The following RGPD2 variants were observed in gnomAD, a reference collection of about 807,000 sequenced individuals.
RGPD2 encodes the protein RANBP2-like and GRIP domain-containing protein 2.
In RGPD2, 2 loss-of-function variants were observed where a neutral mutation model predicts 36.0. The observed-to-expected ratio is 0.06, with a 90% CI of 0.02 to 0.17. The LOEUF is 0.17. RGPD2 is among the 10% of genes least tolerant of loss of function. The pLI is 1.00. For synonymous variants in RGPD2, 19 were observed against 163.8 expected (o/e 0.12, Z 6.75); for missense variants, 40 against 464.3 (o/e 0.09, Z 8.40).
At chr2:87,887,160 G>C in the RGPD2 span, among the ~76,000 whole-genome samples, 2 of 151,926 alleles carry the variant, frequency 1.3e-5, no homozygotes, top group East Asian at 3.9e-4. Context: ...GGCCAAGACT[G>C]TGTGCTTTGC....
chr2:87,986,878 C>A, the RGPD2 span, among the ~76,000 whole-genome samples: 26 of 143,030 alleles, frequency 1.8e-4, no homozygotes, highest in South Asian at 2.3e-4. Context: ...GAAACTGTCT[C>A]AAAAAAAAAA....
chr2:87,984,378 A>C, the RGPD2 span, among the ~76,000 whole-genome samples: 935 of 151,368 alleles, frequency 6.2e-3, 10 homozygotes, highest in East Asian at 0.043. Context: ...TTTATAAATT[A>C]CAATAACGAA....
At chr2:87,824,154 G>C in intron 1 of RGPD2, among the ~76,000 whole-genome samples, 1 of 147,834 alleles carries the variant, frequency 6.8e-6, no homozygotes, top group African/African-American at 2.5e-5. Flanking sequence ...TACCGAGTAG[G>C]TGGGACTACA....
the RGPD2 span, among the ~76,000 whole-genome samples, chr2:87,930,739 A>G: frequency 6.6e-6 from 1 of 150,610 alleles, no homozygotes; most frequent in Non-Finnish European, 1.5e-5. Context: ...TCTCAATTTC[A>G]GAACTTGTTA....
At chr2:87,983,772 G>T in the RGPD2 span, among the ~76,000 whole-genome samples, 1 of 148,896 alleles carries the variant, frequency 6.7e-6, no homozygotes, top group South Asian at 2.2e-4. Flanking sequence ...TTGTCGGAGG[G>T]AAAGCATTCT....
At chr2:87,825,481 G>A (rs1156866566) in intron 1 of RGPD2, among the ~76,000 whole-genome samples, 177 bp downstream of exon 1, 2 of 87,174 alleles carry the variant, frequency 2.3e-5, no homozygotes, top group Non-Finnish European at 4.7e-5. Context: ...CGCCGTCGCC[G>A]CCGCCGCCGC....
At chr2:87,915,238 T>A in the RGPD2 span, among the ~76,000 whole-genome samples, 1 of 149,202 alleles carries the variant, frequency 6.7e-6, no homozygotes, top group Admixed American at 6.7e-5. Context: ...ATATTTTACT[T>A]AAAGGAACTT....
chr2:87,919,541 G>A, the RGPD2 span, among the ~76,000 whole-genome samples: 4 of 151,564 alleles, frequency 2.6e-5, no homozygotes, highest in Non-Finnish European at 5.9e-5. Context: ...AATACTTTAC[G>A]TGTTGTATAT....
At chr2:87,978,155 G>T in the RGPD2 span, among the ~76,000 whole-genome samples, 2 of 150,638 alleles carry the variant, frequency 1.3e-5, no homozygotes, top group East Asian at 3.9e-4. Flanking sequence ...TGATACATTG[G>T]ATAACTAAAA....
intron 7 of RGPD2, among the ~76,000 whole-genome samples, chr2:87,805,997 A>G (rs1358805325): frequency 6.6e-6 from 1 of 150,728 alleles, no homozygotes. Context: ...CCCCATCTCT[A>G]TTAAAAATAC....
the RGPD2 span, among the ~76,000 whole-genome samples, chr2:87,836,884 A>T: frequency 6.6e-6 from 1 of 152,250 alleles, no homozygotes; most frequent in East Asian, 1.9e-4. Context: ...AAAGAGGTAG[A>T]TAATAACTTA....
At chr2:87,979,033 AG>A in the RGPD2 span, among the ~76,000 whole-genome samples, 2 of 149,284 alleles carry the variant, frequency 1.3e-5, no homozygotes, top group Non-Finnish European at 3.0e-5. Context: ...CAGGAGTTTG[AG>A]ACCAGGCTGG....
At chr2:87,911,706 C>A in the RGPD2 span, among the ~76,000 whole-genome samples, 1 of 152,134 alleles carries the variant, frequency 6.6e-6, no homozygotes, top group Non-Finnish European at 1.5e-5. Context: ...TATACTGCTA[C>A]AGCTATGTGA....
the RGPD2 span, among the ~76,000 whole-genome samples, chr2:87,984,978 T>C: frequency 2.2e-5 from 3 of 134,174 alleles, no homozygotes; most frequent in Admixed American, 7.5e-5. Context: ...CTAAAACATA[T>C]AGAATGGTAC....
the RGPD2 span, among the ~76,000 whole-genome samples, chr2:87,871,827 TGCACTCCA>T: frequency 2.7e-5 from 4 of 147,848 alleles, no homozygotes; most frequent in Non-Finnish European, 1.5e-5. Context: ...ATCACACCAC[TGCACTCCA>T]GCCTGGGCAG....
intron 6 of RGPD2, among the ~76,000 whole-genome samples, chr2:87,807,386 T>TG (rs1685996153): frequency 7.9e-6 from 1 of 127,158 alleles, no homozygotes; most frequent in African/African-American, 3.5e-5. Flanking sequence ...AATTGTTTTT[T>TG]TTTTTTTTTT....
the RGPD2 span, among the ~76,000 whole-genome samples, chr2:87,977,075 CTT>C: frequency 9.6e-6 from 1 of 103,942 alleles, no homozygotes; most frequent in Non-Finnish European, 1.9e-5. Context: ...TTATATTTAT[CTT>C]TTCCTACTCT....
the RGPD2 span, among the ~76,000 whole-genome samples, chr2:87,894,055 C>T: frequency 6.6e-6 from 1 of 151,566 alleles, no homozygotes; most frequent in African/African-American, 2.4e-5. Context: ...TAAGACCAGT[C>T]TTTCTGGCGA....
chr2:87,973,714 G>T, the RGPD2 span, among the ~76,000 whole-genome samples: 6 of 140,774 alleles, frequency 4.3e-5, no homozygotes, highest in African/African-American at 1.3e-4. Context: ...AAAAAAAAGA[G>T]TGTGGGCTCT....
Sources: allele counts gnomAD v4.1 joint callset (sites outside exome capture counted in the v4.1 genomes callset), GRCh38; gene constraint gnomAD v4.1.1; transcripts MANE v1.5; gene names NCBI Gene and HGNC (gene_info 2026-07-23, HGNC 2026-07-21).